AMD1: variants seen among roughly 807,000 people sequenced by gnomAD.
The protein encoded by AMD1 is adenosylmethionine decarboxylase 1.
Under a neutral mutation model 40.2 loss-of-function variants are expected in AMD1, and 11 were observed. The observed-to-expected ratio is 0.27, with a 90% confidence interval of 0.17 to 0.45. AMD1 has a LOEUF of 0.45. AMD1 is among the 20% of genes least tolerant of loss of function. The pLI, the probability that AMD1 is intolerant of heterozygous loss-of-function variation, is 1.00. For missense variants in AMD1, 257 were observed against 410.2 expected (o/e 0.63, Z 3.23); for synonymous variants, 121 against 130.8 (o/e 0.93, Z 0.51).
At chr6:110,822,622 T>TAA in the AMD1 span, among the ~76,000 whole-genome samples, 2 of 152,066 alleles carry the variant, frequency 1.3e-5, no homozygotes, top group Non-Finnish European at 2.9e-5. Flanking sequence ...TTATCCTATT[T>TAA]AAAAAAACAA....
intron 1 of AMD1, among the ~76,000 whole-genome samples, chr6:110,878,117 G>C (rs1785208041): frequency 1.3e-5 from 2 of 152,162 alleles, no homozygotes; most frequent in South Asian, 4.1e-4. Flanking sequence ...GATTTCACTG[G>C]AGTGTTCTGT....
chr6:110,846,811 A>C, the AMD1 span, among the ~76,000 whole-genome samples: 84 of 152,190 alleles, frequency 5.5e-4, no homozygotes, highest in Non-Finnish European at 9.9e-4. Flanking sequence ...CAGAGGTCAC[A>C]GTGAGCTGAG....
intron 4 of AMD1, among the ~76,000 whole-genome samples, chr6:110,890,589 G>A (rs1458092136): frequency 6.6e-6 from 1 of 152,090 alleles, no homozygotes; most frequent in Non-Finnish European, 1.5e-5. Flanking sequence ...AGGCTTAAGT[G>A]ATCCTCCCAC....
At chr6:110,820,397 C>T in the AMD1 span, among the ~76,000 whole-genome samples, 66 of 151,822 alleles carry the variant, frequency 4.3e-4, no homozygotes, top group South Asian at 1.5e-3. Flanking sequence ...CTCGCATGCC[C>T]GCCTAATTTT....
chr6:110,887,482 G>A (rs372797672), intron 1 of AMD1, 23 bp from the exon 2 acceptor site: 147 of 1,568,870 alleles, frequency 9.4e-5, no homozygotes, highest in Middle Eastern at 4.1e-4. Context: ...TGGATTAATC[G>A]TAACTTTTTT....
At chr6:110,864,256 A>C in the AMD1 span, 1 of 152,922 alleles carries the variant, frequency 6.5e-6, no homozygotes, top group Non-Finnish European at 1.5e-5. Context: ...AGTTACCACT[A>C]ATTTTAAGAA....
chr6:110,855,127 T>C, the AMD1 span, among the ~76,000 whole-genome samples: 1 of 146,042 alleles, frequency 6.8e-6, no homozygotes, highest in African/African-American at 2.5e-5. Flanking sequence ...CTCCTGGCCT[T>C]GTTGGATCCT....
chr6:110,815,325 C>G, the AMD1 span: 842 of 498,360 alleles, frequency 1.7e-3, 2 homozygotes, highest in Non-Finnish European at 2.4e-3. Context: ...CAGCAGCCAC[C>G]TCCTCCACCT....
the AMD1 span, among the ~76,000 whole-genome samples, chr6:110,854,440 T>C: frequency 6.6e-6 from 1 of 152,162 alleles, no homozygotes; most frequent in African/African-American, 2.4e-5. Context: ...AATCACTCCT[T>C]TCTTTTCTTT....
chr6:110,841,386 A>G, the AMD1 span, among the ~76,000 whole-genome samples: 1 of 152,238 alleles, frequency 6.6e-6, no homozygotes, highest in Non-Finnish European at 1.5e-5. Flanking sequence ...ATAAGGGAAT[A>G]AGTACATTCA....
chr6:110,882,079 G>GC (rs1785438401), intron 1 of AMD1, among the ~76,000 whole-genome samples: 1 of 152,194 alleles, frequency 6.6e-6, no homozygotes, highest in African/African-American at 2.4e-5. Flanking sequence ...TGGGAGTGAA[G>GC]CAGAGACAAG....
At chr6:110,886,547 C>A (rs1323522738) in intron 1 of AMD1, among the ~76,000 whole-genome samples, 1 of 152,156 alleles carries the variant, frequency 6.6e-6, no homozygotes, top group Non-Finnish European at 1.5e-5. Context: ...CTCAAGTGAT[C>A]CACCGCCTTG....
chr6:110,858,896 G>A, the AMD1 span: 8 of 834,100 alleles, frequency 9.6e-6, no homozygotes, highest in Non-Finnish European at 1.7e-5. Context: ...CAGCCAGGTG[G>A]GCATGACGGC....
At chr6:110,892,074 T>A in intron 4 of AMD1, 87 bp from the exon 5 acceptor site, 1 of 1,426,078 alleles carries the variant, frequency 7.0e-7, no homozygotes, top group East Asian at 2.3e-5. Context: ...GCAAATAGTA[T>A]CATTCTGCTT....
the AMD1 span, among the ~76,000 whole-genome samples, chr6:110,825,356 G>A: frequency 6.6e-6 from 1 of 152,146 alleles, no homozygotes; most frequent in African/African-American, 2.4e-5. Flanking sequence ...GATAAGAGGA[G>A]ACTATTGTAT....
chr6:110,842,793 T>C, the AMD1 span, among the ~76,000 whole-genome samples: 1 of 152,092 alleles, frequency 6.6e-6, no homozygotes. Context: ...CCCTTCAACC[T>C]AGACCTCAAA....
the AMD1 span, chr6:110,815,355 G>C: frequency 2.4e-6 from 1 of 409,530 alleles, no homozygotes; most frequent in Non-Finnish European, 4.2e-6. Context: ...CCTCCTCCGC[G>C]ACGGCGGCGG....
intron 1 of AMD1, among the ~76,000 whole-genome samples, chr6:110,876,145 C>A (rs932375963): frequency 6.6e-6 from 1 of 152,194 alleles, no homozygotes; most frequent in Admixed American, 6.5e-5. Flanking sequence ...TTGGGCTGAC[C>A]GCGCCGAAGA....
upstream of AMD1, among the ~76,000 whole-genome samples, chr6:110,873,028 G>A (rs1784945993): frequency 6.6e-6 from 1 of 152,044 alleles, no homozygotes; most frequent in Non-Finnish European, 1.5e-5. Context: ...TATAAAATAA[G>A]CAACATTTAT....
Sources: gnomAD v4.1 joint callset for allele counts (sites outside exome capture counted in the v4.1 genomes callset) on GRCh38, gnomAD v4.1.1 for gene constraint, MANE v1.5 for transcripts, NCBI Gene and HGNC (gene_info 2026-07-23, HGNC 2026-07-21) for gene names.